Variants in BMP6 observed in about 807,000 individuals in gnomAD.
BMP6 encodes VG-1-R.
BMP6 carries 17 observed loss-of-function variants against 54.1 expected under a neutral mutation model. The ratio of observed to expected loss-of-function variants is 0.31; its 90% CI spans 0.22 to 0.47. BMP6 has a LOEUF of 0.47. Among genes scored for constraint, BMP6 ranks in the 20% least tolerant of loss-of-function variants. The pLI, the probability that BMP6 is intolerant of heterozygous loss-of-function variation, is 1.00. For missense variants in BMP6, 720 were observed against 690.4 expected (o/e 1.04, Z -0.48); for synonymous variants, 328 against 291.2 (o/e 1.13, Z -1.28).
At chr6:7,872,405 C>T (rs1385489754) in intron 4 of BMP6, among the ~76,000 whole-genome samples, 2 of 151,944 alleles carry the variant, frequency 1.3e-5, no homozygotes, top group Admixed American at 1.3e-4. Context: ...AATATTTATA[C>T]GTTCTTTGCC....
chr6:7,758,387 A>C (rs1280081493), intron 1 of BMP6, among the ~76,000 whole-genome samples: 1 of 152,184 alleles, frequency 6.6e-6, no homozygotes, highest in Admixed American at 6.5e-5. Context: ...GAATAGATTC[A>C]GTGAGTTTTG....
At position 7,747,030 on chromosome 6, in the gene BMP6, A is replaced by G. The variant is rs78935072; in HGVS notation, c.664+19411A>G. Among the ~76,000 whole-genome samples the G allele has an allele frequency of 5.4e-3, 817 of 152,172 alleles. 12 individuals carry two copies. The highest frequency in any genetic ancestry group is 0.019 in the African/African-American group (771 of 41,494). On this transcript the variant is annotated intron_variant, in intron 1 of 6. Transcript: ENST00000283147. ...CCGGTGACACACTCTCCTCCTTTCTACCTTCTGAACGAATCCCATAAGGCC... is the reference window on the plus strand; with the variant it reads ...CCGGTGACACACTCTCCTCCTTTCTGCCTTCTGAACGAATCCCATAAGGCC...
intron 1 of BMP6, among the ~76,000 whole-genome samples, chr6:7,776,270 C>T (rs999791418): frequency 1.3e-5 from 2 of 152,164 alleles, no homozygotes; most frequent in Admixed American, 6.5e-5. Context: ...GCCTCCCTTC[C>T]CTCAGTTTTC....
chr6:7,789,241 G>A (rs990757555), intron 1 of BMP6, among the ~76,000 whole-genome samples: 1 of 152,144 alleles, frequency 6.6e-6, no homozygotes, highest in Non-Finnish European at 1.5e-5. Context: ...AGGAGGAAAC[G>A]AGAACTGAAT....
At chr6:7,810,165 G>A (rs11960967) in intron 1 of BMP6, among the ~76,000 whole-genome samples, 2,920 of 152,246 alleles carry the variant, frequency 0.019, 98 homozygotes, top group African/African-American at 0.065. Flanking sequence ...TGATTCGCTG[G>A]AGAATAAGAA....
chr6:7,790,842 A>G (rs1758092411), intron 1 of BMP6, among the ~76,000 whole-genome samples: 3 of 152,186 alleles, frequency 2.0e-5, no homozygotes, highest in African/African-American at 4.8e-5. Flanking sequence ...GGATTCTAAC[A>G]TGATTGACTC....
At chr6:7,784,435 C>CT (rs148060043) in intron 1 of BMP6, among the ~76,000 whole-genome samples, 29,870 of 151,980 alleles carry the variant, frequency 0.2, 3,350 homozygotes, top group African/African-American at 0.31. Context: ...GTGTAGGCGT[C>CT]TGAGTGTGTG....
Position 7,780,609 on chromosome 6 carries a change from A to G in BMP6, c.664+52990A>G, listed in dbSNP as rs187442304. 2.9e-3 allele frequency among the ~76,000 whole-genome samples: 443 copies of G among 152,188 alleles called. 1 individual carries two copies. The highest frequency in any genetic ancestry group is 6.8e-3 in the Middle Eastern group (2 of 294). On this transcript the variant is annotated intron_variant, in intron 1 of 6. Transcript: ENST00000283147. ...AATTTCTTTTAATCCTTGACTTAAT[A>G]TACATTTTTTTTATATGTCCCCCAG... is the stretch of plus-strand genomic sequence containing the variant.
chr6:7,794,281 CT>C (rs138844671), intron 1 of BMP6, among the ~76,000 whole-genome samples: 43 of 152,250 alleles, frequency 2.8e-4, no homozygotes, highest in African/African-American at 1.0e-3. Flanking sequence ...GTAAGGATTT[CT>C]GTCTGGAATA....
chr6:7,814,589 T>A (rs1159549791), intron 1 of BMP6, among the ~76,000 whole-genome samples: 1 of 152,136 alleles, frequency 6.6e-6, no homozygotes, highest in African/African-American at 2.4e-5. Context: ...GAAGTATCTC[T>A]CTCTACCTTT....
chr6:7,760,423 G>C (rs1367278569), intron 1 of BMP6, among the ~76,000 whole-genome samples: 1 of 151,810 alleles, frequency 6.6e-6, no homozygotes, highest in Admixed American at 6.6e-5. Flanking sequence ...GGTGACTTTG[G>C]GCAAGTAGTT....
chr6:7,732,328 C>CA (rs972178891), intron 1 of BMP6, among the ~76,000 whole-genome samples: 3 of 151,888 alleles, frequency 2.0e-5, no homozygotes, highest in Admixed American at 1.3e-4. Flanking sequence ...GGCATTTCAA[C>CA]AAAAAAAAGT....
At chr6:7,812,945 G>T in intron 1 of BMP6, among the ~76,000 whole-genome samples, 1 of 142,596 alleles carries the variant, frequency 7.0e-6, no homozygotes. Flanking sequence ...ACGTATCTGT[G>T]TTTTCAGTGA....
At chr6:7,875,794 C>T (rs1024030006) in intron 4 of BMP6, among the ~76,000 whole-genome samples, 1 of 152,134 alleles carries the variant, frequency 6.6e-6, no homozygotes, top group African/African-American at 2.4e-5. Context: ...AAAAGCGTAC[C>T]AGGGAACTTA....
chr6:7,727,182 A>G lies in BMP6; in HGVS notation c.227A>G (p.Lys76Arg). ...FLYRRLKTQEKREMQKEILSV... is the reference protein window; with the variant it reads ...FLYRRLKTQERREMQKEILSV... The stretch of plus-strand genomic sequence containing the variant: ...TACCGGCGGCTCAAGACGCAGGAGA[A>G]GCGGGAGATGCAGAAGGAGATCTTG... The change falls in exon 1 of 7, where the codon AAG (lysine) becomes AGG (arginine). Residue 76 changes from lysine to arginine, a missense_variant. Lys to Arg is a conservative substitution (Grantham distance 26). Coordinates refer to ENST00000283147, the MANE Select transcript of BMP6 (RefSeq NM_001718.6). 1 of 1,600,566 alleles carries G rather than the reference A, an allele frequency of 6.2e-7. No individual in the cohort carries two copies. Among genetic ancestry groups the G allele is most frequent in the Non-Finnish European group, 8.5e-7 (1 of 1,174,488 alleles).
At chr6:7,841,520 A>G (rs1181907996) in intron 1 of BMP6, among the ~76,000 whole-genome samples, 1 of 152,230 alleles carries the variant, frequency 6.6e-6, no homozygotes, top group Admixed American at 6.5e-5. Context: ...CCTATGAGAC[A>G]TTAGCAAACA....
At chr6:7,838,359 C>T (rs1375832639) in intron 1 of BMP6, among the ~76,000 whole-genome samples, 1 of 152,082 alleles carries the variant, frequency 6.6e-6, no homozygotes, top group Non-Finnish European at 1.5e-5. Flanking sequence ...AAGGTATCCC[C>T]CTCGGATAAG....
rs1759693996 is a variant in BMP6, at chr6:7,880,276, A to G, written c.1475A>G (p.Asp492Gly). The G allele has an allele frequency of 5.0e-6, 8 of 1,614,108 alleles. No individual in the cohort carries two copies. Among genetic ancestry groups the G allele is most frequent in the Non-Finnish European group, 6.8e-6 (8 of 1,180,020 alleles). Residue 492 changes from aspartate to glycine, a missense_variant, in exon 7 of 7, where the codon GAT becomes GGT. Physicochemically the swap from Asp to Gly is moderately conservative, Grantham distance 94 (BLOSUM62 -1). Around this residue, in one of 3 missense-constraint regions of BMP6, gnomAD observed 43 missense variants for 54.0 expected, o/e 0.80. Transcript: ENST00000283147. ...KLNAISVLYF[D>G]DNSNVILKKY... ...AATGCCATCTCGGTTCTTTACTTTG[A>G]TGACAACTCCAATGTCATTCTGAAA...
At chr6:7,832,294 G>A (rs1758804759) in intron 1 of BMP6, among the ~76,000 whole-genome samples, 1 of 152,176 alleles carries the variant, frequency 6.6e-6, no homozygotes, top group Non-Finnish European at 1.5e-5. Flanking sequence ...TAACCCCCAA[G>A]GTGATGGTAT....
Sources: allele counts gnomAD v4.1 joint callset (sites outside exome capture counted in the v4.1 genomes callset), GRCh38; gene constraint gnomAD v4.1.1; regional missense constraint gnomAD v4.1.1; transcripts MANE v1.5; gene names NCBI Gene and HGNC (gene_info 2026-07-23, HGNC 2026-07-21).